The following WNT2B variants were observed in gnomAD, a reference collection of about 807,000 sequenced individuals.
WNT2B encodes the protein Wnt family member 2B, also known as protein Wnt-2b.
A neutral mutation model predicts 40.5 loss-of-function variants in WNT2B; 19 were observed. That is an observed-to-expected ratio of 0.47 (90% CI 0.33 to 0.69). The LOEUF is 0.69. Among genes scored for constraint, WNT2B ranks in the 30% least tolerant of loss-of-function variants. The probability of loss-of-function intolerance (pLI) is 0.02; values close to 1 mark genes in which losing one functional copy is unlikely to be tolerated. For missense variants in WNT2B, 467 were observed against 556.4 expected (o/e 0.84, Z 1.62); for synonymous variants, 220 against 211.9 (o/e 1.04, Z -0.33).
At chr1:112,485,884 T>C (rs1319152307) in intron 1 of WNT2B, among the ~76,000 whole-genome samples, 2 of 152,220 alleles carry the variant, frequency 1.3e-5, no homozygotes, top group Non-Finnish European at 2.9e-5. Context: ...TAATCCCAGC[T>C]ACTTTTTCTG....
intron 1 of WNT2B, among the ~76,000 whole-genome samples, chr1:112,501,395 A>C (rs1330821106): frequency 1.3e-5 from 2 of 152,208 alleles, no homozygotes. Context: ...GTCACGATGC[A>C]TAGCCCACAC....
At chr1:112,468,860 T>G (rs1238780731) in intron 1 of WNT2B, among the ~76,000 whole-genome samples, 1 of 152,202 alleles carries the variant, frequency 6.6e-6, no homozygotes, top group Non-Finnish European at 1.5e-5. Flanking sequence ...TTTGAGGTCT[T>G]GGCCATAAAA....
At chr1:112,477,335 A>G (rs557877080) in intron 1 of WNT2B, among the ~76,000 whole-genome samples, 3 of 152,216 alleles carry the variant, frequency 2.0e-5, no homozygotes, top group Non-Finnish European at 4.4e-5. Context: ...TCCCAGAGCT[A>G]GAACCACCAC....
chr1:112,475,947 A>G (rs1458990063), intron 1 of WNT2B, among the ~76,000 whole-genome samples: 1 of 152,212 alleles, frequency 6.6e-6, no homozygotes, highest in African/African-American at 2.4e-5. Flanking sequence ...AAAGACATGT[A>G]TAGGGTAAAT....
intron 1 of WNT2B, among the ~76,000 whole-genome samples, chr1:112,503,659 G>A (rs189633026): frequency 3.5e-4 from 54 of 152,194 alleles, no homozygotes; most frequent in Admixed American, 5.9e-4. Context: ...AGATACACAC[G>A]GAGAGACAGG....
rs1478853212 is a variant in WNT2B at position 112,522,958 on chromosome 1, G to C, written c.*2449G>C. 1 of 152,178 alleles carries C rather than the reference G, an allele frequency of 6.6e-6. No individual in the cohort carries two copies. Among genetic ancestry groups the C allele is most frequent in the Non-Finnish European group, 1.5e-5 (1 of 68,066 alleles). 9.4% of individuals were successfully genotyped at this position (152,178 alleles called of 1,614,324 possible). ...TTTGGGGTAGTGGAGAGGTAAGGGGGTCATGGTCAGTCTGAACTCAACAAT... is the reference window on the plus strand; with the variant it reads ...TTTGGGGTAGTGGAGAGGTAAGGGGCTCATGGTCAGTCTGAACTCAACAAT... On this transcript the variant is annotated 3_prime_UTR_variant, in exon 5 of 5. Coordinates refer to ENST00000369684, the MANE Select transcript of WNT2B (RefSeq NM_024494.3).
chr1:112,479,913 G>A lies in WNT2B; in HGVS notation c.-95+12322G>A, dbSNP rs1027843104. ...TTTTTTAGTAGAGACGGGGTTTCAC[G>A]GTGTTAGCCAGGATGGTCTCAATCT... On this transcript the variant is annotated intron_variant, in intron 1 of 4. Transcript: ENST00000256640. Among the ~76,000 whole-genome samples the A allele has an allele frequency of 7.2e-5, 11 of 151,758 alleles. No homozygotes were observed. The East Asian group carries it at 9.9e-4, about 14-fold the overall frequency.
rs751641938 is a variant in WNT2B at position 112,520,548 on chromosome 1, C to T, written c.*39C>T. On this transcript the variant is annotated 3_prime_UTR_variant, in exon 5 of 5. Coordinates refer to ENST00000369684, the MANE Select transcript of WNT2B (RefSeq NM_024494.3). ...TCACTCATCCCTCCAATTCAAGCCT[C>T]TCAACTCAAAAGCACAAGATCCTTG... 5.6e-6 allele frequency: 9 copies of T among 1,600,166 alleles called. No individual in the cohort carries two copies. Among genetic ancestry groups the T allele is most frequent in the South Asian group, 3.3e-5 (3 of 89,682 alleles).
At chr1:112,476,188 A>G (rs996022855) in intron 1 of WNT2B, among the ~76,000 whole-genome samples, 1 of 152,228 alleles carries the variant, frequency 6.6e-6, no homozygotes, top group Non-Finnish European at 1.5e-5. Context: ...CACACTACCA[A>G]ATAACCCATG....
In WNT2B at chr1:112,526,288, A is replaced by G; in HGVS notation, c.*5779A>G. ...ACCACCAGTACCATGTGACCACTATACAACATATTCCACATTTAAACAACT... is the reference window on the plus strand; with the variant it reads ...ACCACCAGTACCATGTGACCACTATGCAACATATTCCACATTTAAACAACT... On this transcript the variant is annotated 3_prime_UTR_variant, in exon 5 of 5. Transcript: ENST00000369684. The G allele has an allele frequency of 5.9e-6, 4 of 675,836 alleles. No individual in the cohort carries two copies. The highest frequency in any genetic ancestry group is 9.5e-6 in the Non-Finnish European group (4 of 419,636). The allele number at this position is 675,836 out of a possible 1,614,324, so 41.9% of individuals were successfully genotyped here.
chr1:112,509,016 C>G lies in WNT2B; in HGVS notation c.-247C>G, dbSNP rs1652234081. ...GCGCCGCAGACCCCCTGACACCGCA[C>G]CCGGTCCTCAGGCAGCGCGCCCCAG... is the stretch of plus-strand genomic sequence containing the variant. On this transcript the variant is annotated 5_prime_UTR_variant, in exon 1 of 5. Coordinates refer to ENST00000369684, the MANE Select transcript of WNT2B (RefSeq NM_024494.3). This position sits in a 1 kb window ranked among gnomAD's most constrained non-coding sequence, Gnocchi z 4.2. 1.5e-6 allele frequency: 2 copies of G among 1,346,026 alleles called. No individual in the cohort carries two copies. The highest frequency in any genetic ancestry group is 6.3e-5 in the East Asian group (2 of 31,862). 83.4% of individuals were successfully genotyped at this position (1,346,026 alleles called of 1,614,324 possible). A position where few individuals can be genotyped will look rare whatever the true frequency, so the allele number is the denominator to read the frequency against.
intron 1 of WNT2B, among the ~76,000 whole-genome samples, chr1:112,513,251 A>C (rs569242351): frequency 6.6e-6 from 1 of 152,346 alleles, no homozygotes; most frequent in African/African-American, 2.4e-5. Context: ...GCACCACAGC[A>C]GTGGGTGTAA....
In WNT2B at chr1:112,526,040, T is replaced by C; in HGVS notation, c.*5531T>C. The stretch of plus-strand genomic sequence containing the variant: ...AGCCAGAACTCAAACCTAGGTCTTC[T>C]GACTTCAAATCCTGTGTATTCTCCT... On this transcript the variant is annotated 3_prime_UTR_variant, in exon 5 of 5. Coordinates refer to ENST00000369684, the MANE Select transcript of WNT2B (RefSeq NM_024494.3). 2.8e-5 allele frequency: 45 copies of C among 1,614,214 alleles called. No homozygotes were observed. The highest frequency in any genetic ancestry group is 3.8e-5 in the Non-Finnish European group (45 of 1,180,044).
intron 1 of WNT2B, among the ~76,000 whole-genome samples, chr1:112,469,058 G>C (rs373748981): frequency 6.7e-6 from 1 of 149,774 alleles, no homozygotes; most frequent in African/African-American, 2.4e-5. Flanking sequence ...TTATTGAAGA[G>C]GGTGTTCTTT....
intron 1 of WNT2B, among the ~76,000 whole-genome samples, chr1:112,484,624 C>T (rs915350356): frequency 2.0e-5 from 3 of 151,248 alleles, no homozygotes; most frequent in African/African-American, 7.3e-5. Flanking sequence ...TCACCAAACT[C>T]CATGCCTGGC....
At chr1:112,490,894 C>T (rs767306905) in intron 1 of WNT2B, 8 of 984,122 alleles carry the variant, frequency 8.1e-6, no homozygotes, top group African/African-American at 1.6e-5. Context: ...CCGGAAAGAT[C>T]CCCCCTGGAT....
chr1:112,486,836 G>A (rs1247893760), intron 1 of WNT2B, among the ~76,000 whole-genome samples: 1 of 152,176 alleles, frequency 6.6e-6, no homozygotes, highest in Non-Finnish European at 1.5e-5. Flanking sequence ...TATATTATGT[G>A]TTGACGAGAA....
intron 1 of WNT2B, among the ~76,000 whole-genome samples, chr1:112,485,008 C>G (rs1181779137): frequency 6.6e-6 from 1 of 152,088 alleles, no homozygotes; most frequent in African/African-American, 2.4e-5. Flanking sequence ...TTAATGCAAT[C>G]CCAGTGAAAA....
At chr1:112,492,150 A>C (rs1170377580) in intron 1 of WNT2B, among the ~76,000 whole-genome samples, 2 of 152,232 alleles carry the variant, frequency 1.3e-5, no homozygotes, top group Non-Finnish European at 2.9e-5. Flanking sequence ...AAATCAATAT[A>C]AAAAAGACAC....
Sources: gnomAD v4.1 joint callset for allele counts (sites outside exome capture counted in the v4.1 genomes callset) on GRCh38, gnomAD v4.1.1 for gene constraint, Gnocchi (gnomAD v3.1) non-coding constraint, MANE v1.5 for transcripts, NCBI Gene and HGNC (gene_info 2026-07-23, HGNC 2026-07-21) for gene names.